The following ALK variants were observed in gnomAD, a reference collection of about 807,000 sequenced individuals.
ALK encodes ALK receptor tyrosine kinase.
A neutral mutation model predicts 163.1 loss-of-function variants in ALK; 74 were observed. The ratio of observed to expected loss-of-function variants is 0.45; its 90% CI spans 0.38 to 0.55. The LOEUF (loss-of-function observed/expected upper bound fraction) is 0.55, where lower values mean the gene tolerates loss of function less well. ALK is among the 20% of genes least tolerant of loss of function. The pLI is 0.00. For synonymous variants in ALK, 960 were observed against 843.2 expected (o/e 1.14, Z -2.40); for missense variants, 2,063 against 2,105.3 (o/e 0.98, Z 0.39).
intron 1 of ALK, among the ~76,000 whole-genome samples, chr2:29,885,671 G>A (rs544651421): frequency 6.6e-6 from 1 of 152,232 alleles, no homozygotes; most frequent in African/African-American, 2.4e-5. Context: ...TGACTTGATG[G>A]AGATGAGTGC....
intron 4 of ALK, among the ~76,000 whole-genome samples, chr2:29,398,670 C>T (rs1395323202): frequency 1.3e-5 from 2 of 152,128 alleles, no homozygotes; most frequent in South Asian, 2.1e-4. Context: ...TCTTATGGAG[C>T]TGGGCAGGAG....
intron 1 of ALK, among the ~76,000 whole-genome samples, chr2:29,836,276 G>A (rs1665556670): frequency 6.6e-6 from 1 of 152,152 alleles, no homozygotes; most frequent in Non-Finnish European, 1.5e-5. Flanking sequence ...ATTACATTAT[G>A]AAAATATACA....
chr2:29,312,724 T>C (rs1666726724), intron 8 of ALK, among the ~76,000 whole-genome samples: 2 of 152,274 alleles, frequency 1.3e-5, no homozygotes, highest in African/African-American at 2.4e-5. Flanking sequence ...GTCCTGACCG[T>C]GGTCTCCAAT....
chr2:29,227,316 G>A lies in ALK; in HGVS notation c.2915-242C>T, dbSNP rs10166470. Among the ~76,000 whole-genome samples, 621 of 152,298 alleles carry A rather than the reference G, an allele frequency of 4.1e-3. 8 individuals are homozygous for A. Among genetic ancestry groups the A allele is most frequent in the African/African-American group, 0.014 (602 of 41,568 alleles). The stretch of plus-strand genomic sequence containing the variant: ...GAGTCAGTGGTGGAGAGAAGCCCAC[G>A]CACATGATCTTTAGGTTGGCTGGTG... On this transcript the variant is annotated intron_variant, in intron 17 of 28. Transcript: ENST00000389048. This position sits in a 1 kb window ranked among gnomAD's most constrained non-coding sequence, Gnocchi z 4.4.
intron 1 of ALK, among the ~76,000 whole-genome samples, chr2:29,836,782 A>C (rs547496390): frequency 1.4e-4 from 21 of 152,176 alleles, no homozygotes; most frequent in Non-Finnish European, 2.8e-4. Context: ...GAGCTGAAAA[A>C]TGTCACTGTT....
chr2:29,493,839 G>A (rs994786162), intron 4 of ALK, among the ~76,000 whole-genome samples: 2 of 152,216 alleles, frequency 1.3e-5, no homozygotes, highest in African/African-American at 2.4e-5. Flanking sequence ...CTTGGTTGGT[G>A]AGGCAGCCCA....
chr2:29,881,059 C>T (rs1015564813), intron 1 of ALK, among the ~76,000 whole-genome samples: 1 of 152,198 alleles, frequency 6.6e-6, no homozygotes, highest in Non-Finnish European at 1.5e-5. Context: ...TCCAACAGAA[C>T]GTAGGTCCGT....
chr2:29,828,894 A>G lies in ALK; in HGVS notation c.667+91099T>C, dbSNP rs1665280123. Reference sequence around the variant, plus strand: ...TGTTTATTGTGGCACTCTTCACAATAGCAAAGACTTGGAACCAAGCCAAAT... The same window carrying G: ...TGTTTATTGTGGCACTCTTCACAATGGCAAAGACTTGGAACCAAGCCAAAT... On this transcript the variant is annotated intron_variant, in intron 1 of 28. Coordinates refer to ENST00000389048, the MANE Select transcript of ALK (RefSeq NM_004304.5). Among the ~76,000 whole-genome samples the G allele has an allele frequency of 2.0e-5, 3 of 152,230 alleles. No individual in the cohort carries two copies. In the South Asian group the frequency reaches 6.2e-4, roughly 32 times the overall value.
chr2:29,352,926 A>T (rs1668155874), intron 5 of ALK, among the ~76,000 whole-genome samples: 1 of 152,364 alleles, frequency 6.6e-6, no homozygotes, highest in South Asian at 2.1e-4. Context: ...TGCAGGAGAA[A>T]CTAACTTCGG....
intron 27 of ALK, among the ~76,000 whole-genome samples, chr2:29,197,075 G>T (rs186235442): frequency 6.6e-6 from 1 of 152,132 alleles, no homozygotes; most frequent in African/African-American, 2.4e-5. Context: ...TGTTAACCAC[G>T]GCTGCTGTCA....
At position 29,206,417 on chromosome 2, in the gene ALK, G is replaced by A. The variant is rs534258086; in HGVS notation, c.3938+754C>T. ...TTCCAGAGTAGCTGGGACCACATGC[G>A]TGCACCACCACACCTGGCTAATTTT... On this transcript the variant is annotated intron_variant, in intron 26 of 28. Coordinates refer to ENST00000389048, the MANE Select transcript of ALK (RefSeq NM_004304.5). 5.3e-5 allele frequency among the ~76,000 whole-genome samples: 8 copies of A among 151,954 alleles called. No individual in the cohort carries two copies. In the South Asian group the frequency reaches 1.0e-3, roughly 20 times the overall value.
intron 1 of ALK, among the ~76,000 whole-genome samples, chr2:29,876,690 G>C (rs1572460136): frequency 6.7e-6 from 1 of 149,260 alleles, no homozygotes; most frequent in Non-Finnish European, 1.5e-5. Flanking sequence ...TGGTGATATG[G>C]TGATGGTAGT....
At chr2:29,342,977 G>C (rs1667839737) in intron 5 of ALK, among the ~76,000 whole-genome samples, 1 of 149,074 alleles carries the variant, frequency 6.7e-6, no homozygotes, top group African/African-American at 2.5e-5. Flanking sequence ...CTGCCTCCTG[G>C]GTTCGTGCCA....
chr2:29,279,745 G>A (rs563539092), intron 9 of ALK, among the ~76,000 whole-genome samples: 4 of 152,312 alleles, frequency 2.6e-5, no homozygotes, highest in African/African-American at 7.2e-5. Flanking sequence ...CAAGGCTCTC[G>A]CAGTCTCCTG....
intron 4 of ALK, among the ~76,000 whole-genome samples, chr2:29,512,264 C>A (rs972278671): frequency 1.2e-4 from 18 of 151,720 alleles, no homozygotes; most frequent in South Asian, 6.3e-4. Context: ...TACTGGCAAA[C>A]CGAATCCAGC....
chr2:29,542,334 G>A (rs546191795), intron 3 of ALK, among the ~76,000 whole-genome samples: 3 of 151,462 alleles, frequency 2.0e-5, no homozygotes, highest in Non-Finnish European at 2.9e-5. Flanking sequence ...TACTCCCTTC[G>A]TCTTGAAGAC....
intron 5 of ALK, among the ~76,000 whole-genome samples, chr2:29,377,611 G>A (rs541339619): frequency 1.6e-3 from 237 of 152,280 alleles, no homozygotes; most frequent in Middle Eastern, 6.8e-3. Flanking sequence ...AAAGACAGCT[G>A]TACTTGTATC....
intron 1 of ALK, among the ~76,000 whole-genome samples, chr2:29,881,396 G>T (rs887033524): frequency 6.6e-6 from 1 of 152,094 alleles, no homozygotes; most frequent in Non-Finnish European, 1.5e-5. Context: ...TTGGCAGGTT[G>T]GTGCTTTTAT....
chr2:29,720,638 G>A (rs1679394310), intron 1 of ALK, among the ~76,000 whole-genome samples: 1 of 152,200 alleles, frequency 6.6e-6, no homozygotes, highest in Non-Finnish European at 1.5e-5. Flanking sequence ...ACAGAAATGA[G>A]TGCTAGTCAA....
Sources: gnomAD v4.1 joint callset for allele counts (sites outside exome capture counted in the v4.1 genomes callset) on GRCh38, gnomAD v4.1.1 for gene constraint, Gnocchi (gnomAD v3.1) non-coding constraint, MANE v1.5 for transcripts, NCBI Gene and HGNC (gene_info 2026-07-23, HGNC 2026-07-21) for gene names.